Variants in DAPK2 observed in about 807,000 individuals in gnomAD.
DAPK2 encodes death-associated protein kinase 2.
Under a neutral mutation model 44.1 loss-of-function variants are expected in DAPK2, and 35 were observed. That is an observed-to-expected ratio of 0.79 (90% CI 0.61 to 1.05). The LOEUF (loss-of-function observed/expected upper bound fraction) is 1.05. Ranked by LOEUF, DAPK2 falls within the 50% of genes least tolerant of loss-of-function variation. DAPK2 has a pLI of 0.00. For synonymous variants in DAPK2, 174 were observed against 182.6 expected (o/e 0.95, Z 0.38); for missense variants, 453 against 483.2 (o/e 0.94, Z 0.59).
intron 7 of DAPK2, among the ~76,000 whole-genome samples, chr15:63,925,246 T>C (rs950870295): frequency 6.6e-6 from 1 of 152,184 alleles, no homozygotes; most frequent in African/African-American, 2.4e-5. Flanking sequence ...CGCTGCTCTG[T>C]ACCCAGGTAA....
intron 1 of DAPK2, among the ~76,000 whole-genome samples, chr15:64,005,424 T>C (rs969826369): frequency 2.0e-5 from 3 of 151,064 alleles, no homozygotes; most frequent in African/African-American, 7.3e-5. Flanking sequence ...ACCTAAGTCA[T>C]AGATGCCAGC....
At chr15:63,935,065 T>C (rs1174929110) in intron 4 of DAPK2, among the ~76,000 whole-genome samples, 1 of 151,434 alleles carries the variant, frequency 6.6e-6, no homozygotes, top group African/African-American at 2.4e-5. Context: ...TTGTTCTTAT[T>C]TGTTTTTCTT....
Position 64,020,842 on chromosome 15 carries a change from G to A in DAPK2, c.92+19328C>T, listed in dbSNP as rs527643717. Among the ~76,000 whole-genome samples, 1 of 152,312 alleles carries A rather than the reference G, an allele frequency of 6.6e-6. No individual in the cohort carries two copies. The highest frequency in any genetic ancestry group is 1.9e-4 in the East Asian group (1 of 5,192). On this transcript the variant is annotated intron_variant, in intron 1 of 10. Coordinates refer to ENST00000261891, the Ensembl canonical transcript of DAPK2. This position sits in a 1 kb window ranked among gnomAD's most constrained non-coding sequence, Gnocchi z 4.5. ...CCTACAGTGTTTCTATGGAGTAATG[G>A]AAAGGGCAAAGGACCTGGAGTGCAA... is the stretch of plus-strand genomic sequence containing the variant.
At chr15:63,962,985 G>A (rs993906040) in intron 3 of DAPK2, among the ~76,000 whole-genome samples, 2 of 152,248 alleles carry the variant, frequency 1.3e-5, no homozygotes, top group African/African-American at 2.4e-5. Context: ...TCCTTGAGCT[G>A]CAGTGGGCTG....
rs921645166 is a variant in DAPK2, at chr15:63,925,690, A to G, written c.812+251T>C. On this transcript the variant is annotated intron_variant, in intron 7 of 10. Transcript: ENST00000261891. Reference sequence around the variant, plus strand: ...GCTGACTTGTAGCGCACACACACACACACACACACACACACACACACACAC... The same window carrying G: ...GCTGACTTGTAGCGCACACACACACGCACACACACACACACACACACACAC... 1.6e-3 allele frequency among the ~76,000 whole-genome samples: 230 copies of G among 144,564 alleles called. 3 individuals carry two copies. Among genetic ancestry groups the G allele is most frequent in the African/African-American group, 3.9e-3 (137 of 35,090 alleles). The allele number at this position is 144,564 out of a possible 152,430, so 94.8% of individuals were successfully genotyped here. A position where few individuals can be genotyped will look rare whatever the true frequency, so the allele number is the denominator to read the frequency against.
rs1185120710 is a variant in DAPK2 at position 63,924,522 on chromosome 15, C to G, written c.858+294G>C. ...GAAGTGGCAGTGACATACCCTTCAA[C>G]AAAGAACACTGTGTAAGTTGGCCCC... On this transcript the variant is annotated intron_variant, in intron 8 of 10. Coordinates refer to ENST00000261891, the Ensembl canonical transcript of DAPK2. The G allele has an allele frequency of 1.8e-5, 6 of 340,838 alleles. No homozygotes were observed. In the East Asian group the frequency reaches 3.2e-4, roughly 18 times the overall value. 21.1% of individuals were successfully genotyped at this position (340,838 alleles called of 1,614,324 possible).
intron 10 of DAPK2, among the ~76,000 whole-genome samples, chr15:63,909,943 C>G (rs532604949): frequency 1.3e-5 from 2 of 152,352 alleles, no homozygotes; most frequent in African/African-American, 4.8e-5. Context: ...GGCCTTTTCC[C>G]CTTCCTCCAG....
chr15:64,001,619 C>T (rs1567265471), intron 1 of DAPK2, among the ~76,000 whole-genome samples: 2 of 152,134 alleles, frequency 1.3e-5, no homozygotes, highest in South Asian at 2.1e-4. Context: ...CTAGGAGCCC[C>T]GGGCTGTACT....
At chr15:64,044,898 C>T (rs2080425274), upstream of DAPK2, among the ~76,000 whole-genome samples, 1 of 152,180 alleles carries the variant, frequency 6.6e-6, no homozygotes, top group Non-Finnish European at 1.5e-5. Flanking sequence ...TAGGAATCAT[C>T]ACACTCAGGC....
At chr15:63,962,413 G>A (rs2077930918) in intron 3 of DAPK2, among the ~76,000 whole-genome samples, 1 of 152,228 alleles carries the variant, frequency 6.6e-6, no homozygotes, top group Admixed American at 6.5e-5. Context: ...TTCCTTTGGA[G>A]GAGAAGAGGC....
At chr15:64,019,261 A>T (rs577049300) in intron 1 of DAPK2, among the ~76,000 whole-genome samples, 7 of 152,376 alleles carry the variant, frequency 4.6e-5, no homozygotes, top group African/African-American at 1.4e-4. Context: ...CAAAGCAGTT[A>T]AGTGTCTGTT....
Position 63,939,290 on chromosome 15 carries a change from A to G in DAPK2, c.525T>C (p.Ala175=), listed in dbSNP as rs746749952. ...ATTCAACTCCATCTTCTATTTCGTGAGCCAGACCAAAGTCAATCAGCTTGA... is the reference window on the plus strand; with the variant it reads ...ATTCAACTCCATCTTCTATTTCGTGGGCCAGACCAAAGTCAATCAGCTTGA... The change falls in exon 4 of 11, where the codon GCT becomes GCC. Residue 175 remains alanine, a synonymous_variant. Coordinates refer to ENST00000261891, the Ensembl canonical transcript of DAPK2. This position sits in a 1 kb window ranked among gnomAD's most constrained non-coding sequence, Gnocchi z 4.3. 1 of 1,613,980 alleles carries G rather than the reference A, an allele frequency of 6.2e-7. No homozygotes were observed. The highest frequency in any genetic ancestry group is 8.5e-7 in the Non-Finnish European group (1 of 1,180,000).
At chr15:63,951,193 G>A (rs187242682) in intron 3 of DAPK2, among the ~76,000 whole-genome samples, 79 of 152,230 alleles carry the variant, frequency 5.2e-4, no homozygotes, top group Non-Finnish European at 9.3e-4. Flanking sequence ...ATCAGGCTTG[G>A]GTGCAGATTG....
chr15:63,909,233 T>C (rs2078720949), intron 10 of DAPK2: 2 of 152,184 alleles, frequency 1.3e-5, no homozygotes, highest in South Asian at 2.1e-4. Flanking sequence ...ATTATAAAAT[T>C]ATTAAAAGAA....
chr15:64,026,640 G>A (rs886397302), intron 1 of DAPK2, among the ~76,000 whole-genome samples: 2 of 152,160 alleles, frequency 1.3e-5, no homozygotes. Context: ...CCCATCCCAA[G>A]TACCTGCTTC....
intron 2 of DAPK2, among the ~76,000 whole-genome samples, chr15:63,977,737 G>A (rs1292682575): frequency 1.3e-5 from 2 of 152,176 alleles, no homozygotes; most frequent in African/African-American, 2.4e-5. Context: ...ATATCCACCC[G>A]GAGGGCATCC....
chr15:63,974,738 A>G (rs2078298721), intron 2 of DAPK2, among the ~76,000 whole-genome samples: 1 of 152,354 alleles, frequency 6.6e-6, no homozygotes, highest in Middle Eastern at 3.4e-3. Context: ...TCCACAGAAT[A>G]TAGATTTTTC....
At chr15:63,929,495 C>T in intron 6 of DAPK2, 56 bp downstream of exon 7, 1 of 1,608,108 alleles carries the variant, frequency 6.2e-7, no homozygotes, top group Non-Finnish European at 8.5e-7. Flanking sequence ...TCTCTCATTC[C>T]TTCTGGTTCC....
chr15:64,009,249 T>C (rs891250203), intron 1 of DAPK2, among the ~76,000 whole-genome samples: 1 of 152,140 alleles, frequency 6.6e-6, no homozygotes, highest in Admixed American at 6.5e-5. Flanking sequence ...TATCTCTTCA[T>C]TACCTGCCAT....
Sources: allele counts gnomAD v4.1 joint callset (sites outside exome capture counted in the v4.1 genomes callset), GRCh38; gene constraint gnomAD v4.1.1; non-coding constraint Gnocchi (gnomAD v3.1); transcripts MANE v1.5; gene names NCBI Gene and HGNC (gene_info 2026-07-23, HGNC 2026-07-21).